Variants in NCOA1 observed in about 807,000 individuals in gnomAD.
The protein encoded by NCOA1 is nuclear receptor coactivator 1.
A neutral mutation model predicts 150.9 loss-of-function variants in NCOA1; 35 were observed. The observed-to-expected ratio is 0.23, with a 90% CI of 0.18 to 0.31. NCOA1 has a LOEUF of 0.31. NCOA1 is among the 10% of genes least tolerant of loss of function. The probability of loss-of-function intolerance (pLI) is 1.00; values close to 1 mark genes in which losing one functional copy is unlikely to be tolerated. For missense variants in NCOA1, 1,491 were observed against 1,749.3 expected, an observed-to-expected ratio of 0.85 and a Z score of 2.63; for synonymous variants, 590 against 630.0, an observed-to-expected ratio of 0.94 and a Z score of 0.95.
chr2:24,650,034 G>A (rs188653361), intron 4 of NCOA1, among the ~76,000 whole-genome samples: 7 of 152,096 alleles, frequency 4.6e-5, no homozygotes, highest in African/African-American at 1.7e-4. Context: ...AAGATTAAAT[G>A]GTGTTTTGAT....
Position 24,673,433 on chromosome 2 carries a change from A to G in NCOA1, c.324A>G (p.Glu108=). Reference sequence around the variant, plus strand: ...CATCAAGTAGTCAAGGAGTGATAGAAAAGGAATCCTTGGGACCTCTTCTTT... The same window carrying G: ...CATCAAGTAGTCAAGGAGTGATAGAGAAGGAATCCTTGGGACCTCTTCTTT... ...DISSSSQGVI[E]KESLGPLLLE... is the part of the protein sequence containing the mutation. Residue 108 remains glutamate (E), a synonymous_variant, in exon 7 of 23, where the codon GAA becomes GAG. Coordinates refer to ENST00000348332, the MANE Select transcript of NCOA1 (RefSeq NM_003743.5). 1 of 1,593,784 alleles carries G rather than the reference A, an allele frequency of 6.3e-7. No homozygotes were observed. Among genetic ancestry groups the G allele is most frequent in the Non-Finnish European group, 8.5e-7 (1 of 1,173,082 alleles).
At chr2:24,552,978 T>A (rs1665923536) in intron 1 of NCOA1, among the ~76,000 whole-genome samples, 1 of 152,188 alleles carries the variant, frequency 6.6e-6, no homozygotes, top group South Asian at 2.1e-4. Context: ...TCTTCTGGCT[T>A]TTATTCCTTC....
rs1297582140 is a variant in NCOA1, at chr2:24,707,076, A to T, written c.1606A>T (p.Ile536Phe). Reference protein sequence around the residue: ...CNNNNRSYSNIPVTSLQGMNE... With the variant: ...CNNNNRSYSNFPVTSLQGMNE... ...TAATAATAACCGATCTTATTCAAAC[A>T]TCCCAGTAACATCTTTACAGGGTAT... The change falls in exon 13 of 23, where the codon ATC becomes TTC. Residue 536 changes from isoleucine to phenylalanine, a missense_variant. Ile to Phe is a conservative substitution (Grantham distance 21). Transcript: ENST00000348332. 3 of 1,614,180 alleles carry T rather than the reference A, an allele frequency of 1.9e-6. No homozygotes were observed. Among genetic ancestry groups the T allele is most frequent in the Non-Finnish European group, 2.5e-6 (3 of 1,180,016 alleles).
intron 18 of NCOA1, among the ~76,000 whole-genome samples, chr2:24,739,956 T>C (rs990737036): frequency 2.6e-5 from 4 of 152,138 alleles, no homozygotes; most frequent in Non-Finnish European, 5.9e-5. Flanking sequence ...AGCTTGTATT[T>C]ATTTTTTAAA....
chr2:24,607,797 C>CT (rs1397090289), intron 3 of NCOA1, among the ~76,000 whole-genome samples: 1 of 151,948 alleles, frequency 6.6e-6, no homozygotes, highest in Non-Finnish European at 1.5e-5. Flanking sequence ...AATATTTTCT[C>CT]TTTCTTGAAG....
At chr2:24,601,214 G>GTT (rs138883180) in intron 3 of NCOA1, among the ~76,000 whole-genome samples, 2 of 151,310 alleles carry the variant, frequency 1.3e-5, no homozygotes, top group Non-Finnish European at 2.9e-5. Context: ...AACATCTTCT[G>GTT]TTTTTTTTGT....
intron 3 of NCOA1, among the ~76,000 whole-genome samples, chr2:24,642,038 G>GTGTGTGTGCA (rs58911869): frequency 1.2e-5 from 1 of 81,078 alleles, no homozygotes; most frequent in Non-Finnish European, 3.1e-5. Flanking sequence ...GTGTGTGTGT[G>GTGTGTGTGCA]CGCGCGTGCG....
At chr2:24,498,972 G>A (rs192625469) in intron 1 of NCOA1, among the ~76,000 whole-genome samples, 119 of 151,810 alleles carry the variant, frequency 7.8e-4, no homozygotes, top group Non-Finnish European at 1.5e-3. Flanking sequence ...ATAGAAGTTG[G>A]TACAAAATCT....
At chr2:24,587,468 A>T (rs1667463411) in intron 3 of NCOA1, among the ~76,000 whole-genome samples, 1 of 152,162 alleles carries the variant, frequency 6.6e-6, no homozygotes, top group Non-Finnish European at 1.5e-5. Flanking sequence ...CCATCTTGAC[A>T]TTCACTGAAA....
chr2:24,723,097 G>T (rs1308578249), intron 14 of NCOA1, among the ~76,000 whole-genome samples: 1 of 151,148 alleles, frequency 6.6e-6, no homozygotes, highest in Non-Finnish European at 1.5e-5. Context: ...ATTCAAAAAA[G>T]TTTTTAAAAT....
chr2:24,528,633 C>A (rs1425181853), intron 1 of NCOA1, among the ~76,000 whole-genome samples: 1 of 151,992 alleles, frequency 6.6e-6, no homozygotes, highest in Non-Finnish European at 1.5e-5. Flanking sequence ...CAGGCATGAG[C>A]CACCACCCCT....
chr2:24,661,397 A>G lies in NCOA1; in HGVS notation c.89+2631A>G, dbSNP rs548399558. ...TTTTTGTTTCTAAGACTTACTTTAA[A>G]TTTTCTGGTTATTAACCTTTTCTTG... is the stretch of plus-strand genomic sequence containing the variant. On this transcript the variant is annotated intron_variant, in intron 5 of 22. Coordinates refer to ENST00000348332, the MANE Select transcript of NCOA1 (RefSeq NM_003743.5). Among the ~76,000 whole-genome samples, 17 of 151,834 alleles carry G rather than the reference A, an allele frequency of 1.1e-4. No individual in the cohort carries two copies. The South Asian group carries it at 2.5e-3, about 22-fold the overall frequency.
chr2:24,673,289 CTA>C (rs148954561), intron 6 of NCOA1, 75 bp from the exon 7 acceptor site: 1 of 962,306 alleles, frequency 1.0e-6, no homozygotes, highest in Non-Finnish European at 1.5e-6. Flanking sequence ...TTTGGTGGAT[CTA>C]TGTCTTCGTA....
chr2:24,632,166 G>A (rs890602542), intron 3 of NCOA1, among the ~76,000 whole-genome samples: 1 of 152,074 alleles, frequency 6.6e-6, no homozygotes, highest in African/African-American at 2.4e-5. Context: ...TAGGAGAATG[G>A]GAGGGAATAT....
At chr2:24,535,352 G>A (rs1414426601) in intron 1 of NCOA1, among the ~76,000 whole-genome samples, 7 of 151,984 alleles carry the variant, frequency 4.6e-5, no homozygotes, top group South Asian at 2.1e-4. Context: ...GTCTCTGCAC[G>A]TGAGTGGGTC....
intron 3 of NCOA1, among the ~76,000 whole-genome samples, chr2:24,595,174 T>C (rs1162763620): frequency 1.3e-5 from 2 of 152,100 alleles, no homozygotes; most frequent in South Asian, 4.1e-4. Context: ...TATTTGATAG[T>C]TGTAAAATCA....
chr2:24,575,122 A>G (rs2148290462), intron 2 of NCOA1, among the ~76,000 whole-genome samples: 1 of 151,604 alleles, frequency 6.6e-6, no homozygotes, highest in Admixed American at 6.6e-5. Flanking sequence ...AGTTACATTG[A>G]TCTTAGCTTG....
chr2:24,550,667 T>C (rs1294938792), intron 1 of NCOA1, among the ~76,000 whole-genome samples: 2 of 152,214 alleles, frequency 1.3e-5, no homozygotes, highest in Non-Finnish European at 2.9e-5. Flanking sequence ...ACTGTTGTTT[T>C]TGTTTGCTTT....
rs192455988 is a variant in NCOA1, at chr2:24,610,430, A to T, written c.-175+25870A>T. On this transcript the variant is annotated intron_variant, in intron 3 of 22. Transcript: ENST00000348332. ...TGCTGGGATTATAGGTGTGAGCCAC[A>T]GCGCCCAGCCTTTACGCTGCATTCT... Among the ~76,000 whole-genome samples, 202 of 151,868 alleles carry T rather than the reference A, an allele frequency of 1.3e-3. 1 individual carries two copies. Among genetic ancestry groups the T allele is most frequent in the African/African-American group, 4.5e-3 (186 of 41,470 alleles).
Sources: gnomAD v4.1 joint callset for allele counts (sites outside exome capture counted in the v4.1 genomes callset) on GRCh38, gnomAD v4.1.1 for gene constraint, MANE v1.5 for transcripts, NCBI Gene and HGNC (gene_info 2026-07-23, HGNC 2026-07-21) for gene names.